Variants in COL22A1 observed in about 807,000 individuals in gnomAD.
COL22A1 encodes the protein collagen type XXII alpha 1 chain.
In COL22A1, 221 loss-of-function variants were observed where a neutral mutation model predicts 248.9. The observed-to-expected ratio is 0.89, with a 90% CI of 0.80 to 0.99. The LOEUF is 0.99. Ranked by LOEUF, COL22A1 falls within the 50% of genes least tolerant of loss-of-function variation. The pLI is 0.00. For missense variants in COL22A1, 2,240 were observed against 2,179.0 expected (o/e 1.03, Z -0.56); for synonymous variants, 891 against 793.4 (o/e 1.12, Z -2.07).
At chr8:138,714,600 C>T (rs947960080) in intron 30 of COL22A1, among the ~76,000 whole-genome samples, 9 of 152,180 alleles carry the variant, frequency 5.9e-5, no homozygotes, top group Non-Finnish European at 1.3e-4. Flanking sequence ...GGTATGGCCA[C>T]ATCCCATCGG....
chr8:138,872,672 C>A (rs747265304), intron 3 of COL22A1, among the ~76,000 whole-genome samples: 3 of 152,228 alleles, frequency 2.0e-5, no homozygotes, highest in Non-Finnish European at 4.4e-5. Context: ...GAAGCTGAGG[C>A]TGAGATTGCT....
chr8:138,677,914 C>T (rs542438877), intron 40 of COL22A1, among the ~76,000 whole-genome samples: 107 of 152,228 alleles, frequency 7.0e-4, no homozygotes, highest in Non-Finnish European at 1.1e-3. Context: ...GTATGACAAA[C>T]GGAAACAGCC....
chr8:138,765,949 A>G (rs905593241), intron 16 of COL22A1, among the ~76,000 whole-genome samples: 2 of 152,226 alleles, frequency 1.3e-5, no homozygotes, highest in Admixed American at 1.3e-4. Context: ...AGTGTGAGTG[A>G]GCTGCTGATG....
intron 12 of COL22A1, among the ~76,000 whole-genome samples, chr8:138,785,615 C>T (rs547335448): frequency 2.0e-5 from 3 of 152,282 alleles, no homozygotes; most frequent in South Asian, 2.1e-4. Flanking sequence ...TGCAGCTGAA[C>T]GCAGAGGCAG....
At chr8:138,690,626 G>T (rs1232663410) in intron 36 of COL22A1, among the ~76,000 whole-genome samples, 195 bp downstream of exon 36, 2 of 152,134 alleles carry the variant, frequency 1.3e-5, no homozygotes, top group Non-Finnish European at 2.9e-5. Context: ...CCTCTGGATA[G>T]CTGGCGAGTT....
At chr8:138,655,872 A>C (rs1172599857) in intron 45 of COL22A1, 25 bp downstream of exon 45, 34 of 1,588,442 alleles carry the variant, frequency 2.1e-5, no homozygotes, top group Non-Finnish European at 2.9e-5. Flanking sequence ...TTCAAAACAC[A>C]TGCGCATTTA....
In COL22A1 at chr8:138,883,214, G is replaced by C. The variant is rs766486160; in HGVS notation, c.-42C>G. Reference sequence around the variant, plus strand: ...GGGACAGGCTTCTCTTGGCCAGGAAGAGACGCTGTTAGGGTCTACAGCAGC... The same window carrying C: ...GGGACAGGCTTCTCTTGGCCAGGAACAGACGCTGTTAGGGTCTACAGCAGC... On this transcript the variant is annotated 5_prime_UTR_variant, in exon 2 of 65. Transcript: ENST00000303045. 3.2e-6 allele frequency: 5 copies of C among 1,541,146 alleles called. No homozygotes were observed. The Admixed American group carries it at 7.8e-5, about 24-fold the overall frequency.
chr8:138,682,162 A>G (rs369460749), intron 39 of COL22A1, among the ~76,000 whole-genome samples: 15 of 152,356 alleles, frequency 9.8e-5, no homozygotes, highest in African/African-American at 3.6e-4. Flanking sequence ...GGGAAAAAAC[A>G]TCTCCTACTG....
chr8:138,754,626 A>G (rs1832848566), intron 21 of COL22A1, among the ~76,000 whole-genome samples: 2 of 152,226 alleles, frequency 1.3e-5, no homozygotes, highest in African/African-American at 4.8e-5. Flanking sequence ...CTGAACTCAC[A>G]TCATAAGATA....
intron 23 of COL22A1, among the ~76,000 whole-genome samples, chr8:138,728,887 G>A (rs1265110021): frequency 6.6e-5 from 10 of 152,098 alleles, no homozygotes; most frequent in Admixed American, 6.5e-4. Context: ...TAATTCTGAT[G>A]AGCTGCCAGG....
intron 56 of COL22A1, among the ~76,000 whole-genome samples, chr8:138,610,217 G>A (rs890134149): frequency 2.0e-5 from 3 of 152,206 alleles, no homozygotes; most frequent in Non-Finnish European, 4.4e-5. Flanking sequence ...GGTTTGGGGA[G>A]AAAATGAATG....
At chr8:138,731,442 G>A (rs550608196) in intron 23 of COL22A1, among the ~76,000 whole-genome samples, 1 of 152,266 alleles carries the variant, frequency 6.6e-6, no homozygotes, top group African/African-American at 2.4e-5. Context: ...GGTGATAGGG[G>A]GAGGGATGCA....
intron 3 of COL22A1, among the ~76,000 whole-genome samples, chr8:138,852,802 C>G (rs530237067): frequency 1.3e-4 from 20 of 152,078 alleles, no homozygotes; most frequent in African/African-American, 4.8e-4. Flanking sequence ...GGGAGTGTTT[C>G]ACGCAGCAGG....
At chr8:138,896,183 G>A (rs4736214) in intron 1 of COL22A1, among the ~76,000 whole-genome samples, 19,045 of 151,920 alleles carry the variant, frequency 0.13, 1,183 homozygotes, top group Middle Eastern at 0.16. Flanking sequence ...AGAGAAAGAG[G>A]TGGAGACTTT....
intron 12 of COL22A1, among the ~76,000 whole-genome samples, chr8:138,783,169 C>A (rs528257729): frequency 6.6e-6 from 1 of 152,126 alleles, no homozygotes; most frequent in African/African-American, 2.4e-5. Flanking sequence ...CCCCTCTGAC[C>A]CTCGCTTAGA....
At chr8:138,883,842 T>C (rs1484111338) in intron 1 of COL22A1, among the ~76,000 whole-genome samples, 1 of 152,124 alleles carries the variant, frequency 6.6e-6, no homozygotes, top group Non-Finnish European at 1.5e-5. Context: ...GTTTATAAAT[T>C]ACCATCTTGG....
At position 138,605,388 on chromosome 8, in the gene COL22A1, T is replaced by A. The variant is rs553534176; in HGVS notation, c.4105-619A>T. Among the ~76,000 whole-genome samples, 3 of 152,296 alleles carry A rather than the reference T, an allele frequency of 2.0e-5. No homozygotes were observed. The South Asian group carries it at 6.2e-4, about 32-fold the overall frequency. Reference sequence around the variant, plus strand: ...ACTCAGGAGCAATTGCTGCAGTGCATCCACAGGAGTGGGTGCCTGGCTGCT... The same window carrying A: ...ACTCAGGAGCAATTGCTGCAGTGCAACCACAGGAGTGGGTGCCTGGCTGCT... On this transcript the variant is annotated intron_variant, in intron 58 of 64. Coordinates refer to ENST00000303045, the MANE Select transcript of COL22A1 (RefSeq NM_152888.3).
intron 31 of COL22A1, among the ~76,000 whole-genome samples, chr8:138,702,845 T>C (rs964871883): frequency 2.6e-5 from 4 of 152,280 alleles, no homozygotes. Context: ...ATGACCACAA[T>C]GCTGGTGAAT....
intron 3 of COL22A1, among the ~76,000 whole-genome samples, chr8:138,854,181 G>A (rs1821842835): frequency 6.6e-6 from 1 of 152,170 alleles, no homozygotes; most frequent in Admixed American, 6.5e-5. Context: ...CTTGTGTTCT[G>A]TTGGGAGGTT....
Sources: gnomAD v4.1 joint callset for allele counts (sites outside exome capture counted in the v4.1 genomes callset) on GRCh38, gnomAD v4.1.1 for gene constraint, MANE v1.5 for transcripts, NCBI Gene and HGNC (gene_info 2026-07-23, HGNC 2026-07-21) for gene names.